SGCZ: variants seen among roughly 807,000 people sequenced by gnomAD.
SGCZ encodes the protein sarcoglycan zeta.
Under a neutral mutation model 41.3 loss-of-function variants are expected in SGCZ, and 40 were observed. That is an observed-to-expected ratio of 0.97 (90% CI 0.75 to 1.26). The LOEUF (loss-of-function observed/expected upper bound fraction) is 1.26, where lower values mean the gene tolerates loss of function less well. Ranked by LOEUF, SGCZ falls within the 50% of genes most tolerant of loss-of-function variation. SGCZ has a pLI of 0.00. For missense variants in SGCZ, 552 were observed against 369.8 expected (o/e 1.49, Z -4.04); for synonymous variants, 206 against 137.5 (o/e 1.50, Z -3.49).
At position 14,317,344 on chromosome 8, in the gene SGCZ, G is replaced by A. The variant is rs186466237; in HGVS notation, c.336+6759C>T. Among the ~76,000 whole-genome samples the A allele has an allele frequency of 5.3e-5, 8 of 152,080 alleles. No homozygotes were observed. In the East Asian group the frequency reaches 1.5e-3, roughly 29 times the overall value. The stretch of plus-strand genomic sequence containing the variant: ...GATGATAAAACTAAGGCAAAGAGGG[G>A]TTAACTAAAGTTACAAGTGCCAAGA... On this transcript the variant is annotated intron_variant, in intron 3 of 7. Transcript: ENST00000382080.
At chr8:14,114,130 A>G (rs566795302) in intron 5 of SGCZ, among the ~76,000 whole-genome samples, 3 of 152,070 alleles carry the variant, frequency 2.0e-5, no homozygotes, top group Non-Finnish European at 4.4e-5. Flanking sequence ...GCCTGTCTCG[A>G]TAACAGTTGT....
chr8:15,129,421 G>T (rs567134065), intron 1 of SGCZ, among the ~76,000 whole-genome samples: 1 of 152,094 alleles, frequency 6.6e-6, no homozygotes, highest in South Asian at 2.1e-4. Context: ...TTTAGTCAAA[G>T]ATCTAGAAAG....
intron 1 of SGCZ, among the ~76,000 whole-genome samples, chr8:14,831,604 G>GTGTGTGTGTGTACACATAGACACATA (rs1802529163): frequency 6.7e-6 from 1 of 149,104 alleles, no homozygotes; most frequent in African/African-American, 2.5e-5. Flanking sequence ...GTGTTTGTGT[G>GTGTGTGTGTGTACACATAGACACATA]TGTGTGTGTG....
At chr8:14,900,535 G>A (rs966962048) in intron 1 of SGCZ, among the ~76,000 whole-genome samples, 4 of 152,052 alleles carry the variant, frequency 2.6e-5, no homozygotes, top group South Asian at 4.1e-4. Context: ...CAACTATACC[G>A]CTGGGTCCAA....
chr8:14,121,220 C>A (rs1802686993), intron 5 of SGCZ, among the ~76,000 whole-genome samples: 1 of 151,716 alleles, frequency 6.6e-6, no homozygotes, highest in African/African-American at 2.4e-5. Context: ...AATTAAATTA[C>A]ATTAAATATA....
intron 1 of SGCZ, among the ~76,000 whole-genome samples, chr8:15,229,698 C>G (rs1801885360): frequency 6.6e-6 from 1 of 152,146 alleles, no homozygotes. Context: ...CCCTCAAATA[C>G]TCTGAGTAAA....
intron 1 of SGCZ, among the ~76,000 whole-genome samples, chr8:14,875,124 C>T (rs1804301550): frequency 6.6e-6 from 1 of 152,112 alleles, no homozygotes; most frequent in Non-Finnish European, 1.5e-5. Context: ...GAAATTCAAG[C>T]ACAAGGTGCC....
chr8:14,373,644 A>G (rs1350601991), intron 2 of SGCZ, among the ~76,000 whole-genome samples: 1 of 152,208 alleles, frequency 6.6e-6, no homozygotes, highest in African/African-American at 2.4e-5. Flanking sequence ...ACTGAGGACT[A>G]TATCTGGTGA....
intron 1 of SGCZ, among the ~76,000 whole-genome samples, chr8:15,015,453 A>G (rs1802989194): frequency 6.6e-6 from 1 of 152,090 alleles, no homozygotes. Context: ...TAATCCCAGC[A>G]CTTTGGGAGG....
At chr8:14,373,821 T>A (rs1804003659) in intron 2 of SGCZ, among the ~76,000 whole-genome samples, 1 of 151,930 alleles carries the variant, frequency 6.6e-6, no homozygotes, top group African/African-American at 2.4e-5. Context: ...AGAACTGGAA[T>A]GAAAACTGGA....
At chr8:14,203,305 G>C (rs1232349420) in intron 4 of SGCZ, among the ~76,000 whole-genome samples, 1 of 152,160 alleles carries the variant, frequency 6.6e-6, no homozygotes, top group African/African-American at 2.4e-5. Flanking sequence ...CTGTTAAGAC[G>C]AGAAGAGTGT....
intron 7 of SGCZ, among the ~76,000 whole-genome samples, chr8:14,098,649 T>A (rs1003560059): frequency 9.9e-5 from 15 of 152,110 alleles, no homozygotes; most frequent in Admixed American, 4.6e-4. Context: ...GGGAGTTGAG[T>A]TCACCTTGAA....
chr8:14,995,200 G>C (rs575507437), intron 1 of SGCZ, among the ~76,000 whole-genome samples: 112 of 152,374 alleles, frequency 7.4e-4, no homozygotes, highest in Middle Eastern at 3.4e-3. Flanking sequence ...AGATGATTTG[G>C]TTTTATTTCT....
intron 2 of SGCZ, among the ~76,000 whole-genome samples, chr8:14,481,232 A>T (rs1034717442): frequency 2.0e-5 from 3 of 152,206 alleles, no homozygotes; most frequent in Non-Finnish European, 4.4e-5. Flanking sequence ...TGCTATTTCA[A>T]CACAGGGCAG....
chr8:15,188,494 A>T (rs1429917652), intron 1 of SGCZ, among the ~76,000 whole-genome samples: 1 of 152,124 alleles, frequency 6.6e-6, no homozygotes, highest in Admixed American at 6.5e-5. Flanking sequence ...TCCAGTTGGT[A>T]GTCATGAAAT....
At chr8:15,078,123 G>T (rs1227025896) in intron 1 of SGCZ, among the ~76,000 whole-genome samples, 1 of 142,710 alleles carries the variant, frequency 7.0e-6, no homozygotes, top group South Asian at 2.3e-4. Context: ...AGTGTGAGGT[G>T]ACAGCCTGTT....
chr8:14,265,664 C>G (rs1439049478), intron 3 of SGCZ, among the ~76,000 whole-genome samples: 2 of 151,502 alleles, frequency 1.3e-5, no homozygotes, highest in Admixed American at 6.6e-5. Flanking sequence ...AAACTGCACC[C>G]TTTGTTTCCC....
intron 1 of SGCZ, among the ~76,000 whole-genome samples, chr8:14,850,748 C>T (rs183920205): frequency 8.0e-4 from 121 of 152,126 alleles, no homozygotes; most frequent in Non-Finnish European, 1.2e-3. Flanking sequence ...TGAATCATGG[C>T]GGCAGTTTCC....
intron 2 of SGCZ, among the ~76,000 whole-genome samples, chr8:14,353,031 C>A (rs1803158223): frequency 6.6e-6 from 1 of 151,980 alleles, no homozygotes; most frequent in Non-Finnish European, 1.5e-5. Flanking sequence ...GTTCTTACCT[C>A]TATGGACCAA....
Sources: gnomAD v4.1 joint callset for allele counts (sites outside exome capture counted in the v4.1 genomes callset) on GRCh38, gnomAD v4.1.1 for gene constraint, MANE v1.5 for transcripts, NCBI Gene and HGNC (gene_info 2026-07-23, HGNC 2026-07-21) for gene names.